The following MFSD12 variants were observed in gnomAD, a reference collection of about 807,000 sequenced individuals.
MFSD12 encodes major facilitator superfamily domain containing 12.
In MFSD12, 67 loss-of-function variants were observed where a neutral mutation model predicts 51.2. That is an observed-to-expected ratio of 1.31 (90% CI 1.08 to 1.60). The LOEUF (loss-of-function observed/expected upper bound fraction) is 1.60. Among genes scored for constraint, MFSD12 ranks in the 40% most tolerant of loss-of-function variants. The pLI is 0.00. For synonymous variants in MFSD12, 441 were observed against 316.7 expected, an observed-to-expected ratio of 1.39 and a Z score of -4.17; for missense variants, 921 against 673.0, an observed-to-expected ratio of 1.37 and a Z score of -4.08.
At chr19:3,543,836 C>A, downstream of MFSD12, 1 of 1,532,764 alleles carries the variant, frequency 6.5e-7, no homozygotes, top group South Asian at 1.2e-5. Flanking sequence ...CAGTGCTCAA[C>A]AGGAACCGGT....
In MFSD12 at chr19:3,551,205, C is replaced by T; in HGVS notation, c.299-11G>A. ...GGACGCAGACGGTGCCTGTGGAAGGCAGAGTGGTCAGTCGCGGGGCTGTCC... is the reference window on the plus strand; with the variant it reads ...GGACGCAGACGGTGCCTGTGGAAGGTAGAGTGGTCAGTCGCGGGGCTGTCC... On this transcript the variant is annotated splice_polypyrimidine_tract_variant and intron_variant, in intron 1 of 9. Coordinates refer to ENST00000355415, the MANE Select transcript of MFSD12 (RefSeq NM_174983.5). This position sits in a 1 kb window ranked among gnomAD's most constrained non-coding sequence, Gnocchi z 4.6. The T allele has an allele frequency of 1.3e-6, 2 of 1,587,714 alleles. No individual in the cohort carries two copies. Among genetic ancestry groups the T allele is most frequent in the Non-Finnish European group, 1.7e-6 (2 of 1,166,496 alleles).
At chr19:3,548,977 C>A (rs1228021793) in intron 2 of MFSD12, among the ~76,000 whole-genome samples, 1 of 152,142 alleles carries the variant, frequency 6.6e-6, no homozygotes, top group African/African-American at 2.4e-5. Flanking sequence ...AGCGGACTCC[C>A]CCGACACGAA....
At position 3,547,983 on chromosome 19, in the gene MFSD12, T is replaced by C. The variant is rs905266715; in HGVS notation, c.702A>G (p.Leu234=). The part of the protein sequence containing the change: ...VVGVGAVFSL[L]FHLGTRERRR... ...GCCTCTCCCGGGTGCCCAGGTGGAA[T>C]AGCAGTGAGAACACGGCGCCGACAC... is the stretch of plus-strand genomic sequence containing the variant. The change falls in exon 4 of 10, where the codon CTA becomes CTG. Residue 234 remains leucine, a synonymous_variant. Transcript: ENST00000355415. 1.0e-5 allele frequency: 16 copies of C among 1,598,690 alleles called. No homozygotes were observed. Among genetic ancestry groups the C allele is most frequent in the East Asian group, 8.9e-5 (4 of 44,766 alleles).
chr19:3,549,284 C>A (rs1243025110), intron 2 of MFSD12, among the ~76,000 whole-genome samples: 1 of 152,166 alleles, frequency 6.6e-6, no homozygotes. Context: ...CCATCCCATC[C>A]CCTCCCCGTG....
At chr19:3,554,482 C>T (rs1224066910) in intron 1 of MFSD12, among the ~76,000 whole-genome samples, 2 of 151,670 alleles carry the variant, frequency 1.3e-5, no homozygotes, top group Admixed American at 1.3e-4. Flanking sequence ...AAAGTTCCTG[C>T]CTCACAGGCT....
At chr19:3,555,072 C>T (rs989636665) in intron 1 of MFSD12, among the ~76,000 whole-genome samples, 1 of 152,188 alleles carries the variant, frequency 6.6e-6, no homozygotes, top group South Asian at 2.1e-4. Context: ...AAACATAAAG[C>T]CTTCGGTTGC....
downstream of MFSD12, among the ~76,000 whole-genome samples, chr19:3,540,483 C>G (rs548866804): frequency 1.3e-5 from 2 of 150,870 alleles, no homozygotes; most frequent in East Asian, 4.1e-4. Context: ...GTCTCGATCT[C>G]CTGACCTCAT....
Position 3,551,015 on chromosome 19 carries a change from C to T in MFSD12, c.478G>A (p.Asp160Asn), listed in dbSNP as rs763762640. ...LSLIPELVTN[D>N]HEKVELTALR... ...GCCGTGAGCTCCACCTTCTCATGGT[C>T]GTTGGTGACGAGCTCCGGGATGAGG... Residue 160 changes from aspartate to asparagine, a missense_variant, in exon 2 of 10, where the codon GAC becomes AAC. Transcript: ENST00000355415. The surrounding 1 kb of genome is among the most constrained non-coding windows in gnomAD (Gnocchi z 4.6). 6.2e-6 allele frequency: 10 copies of T among 1,612,504 alleles called. No individual in the cohort carries two copies. Among genetic ancestry groups the T allele is most frequent in the South Asian group, 3.3e-5 (3 of 91,030 alleles).
chr19:3,544,684 G>C lies in MFSD12; in HGVS notation c.*26C>G. The C allele has an allele frequency of 6.3e-7, 1 of 1,583,930 alleles. No homozygotes were observed. The highest frequency in any genetic ancestry group is 8.6e-7 in the Non-Finnish European group (1 of 1,162,824). Reference sequence around the variant, plus strand: ...CCTCGTGCGTCCCCACAGTTCCCTTGCACAGGTGCAGGAGGCTGTCAGGAG... The same window carrying C: ...CCTCGTGCGTCCCCACAGTTCCCTTCCACAGGTGCAGGAGGCTGTCAGGAG... On this transcript the variant is annotated 3_prime_UTR_variant, in exon 10 of 10. Coordinates refer to ENST00000355415, the MANE Select transcript of MFSD12 (RefSeq NM_174983.5).
At chr19:3,556,137 G>A (rs968656708) in intron 1 of MFSD12, among the ~76,000 whole-genome samples, 6 of 152,220 alleles carry the variant, frequency 3.9e-5, no homozygotes, top group African/African-American at 2.4e-5. Context: ...CTCAACTCCC[G>A]GAGCAGCACC....
At chr19:3,554,704 C>T (rs4807487) in intron 1 of MFSD12, among the ~76,000 whole-genome samples, 9,253 of 152,282 alleles carry the variant, frequency 0.061, 321 homozygotes, top group Middle Eastern at 0.095. Context: ...GCCATCTGCC[C>T]ACTCACAGGA....
chr19:3,552,912 T>C (rs944000695), intron 1 of MFSD12, among the ~76,000 whole-genome samples: 1 of 152,146 alleles, frequency 6.6e-6, no homozygotes, highest in Admixed American at 6.5e-5. Flanking sequence ...CCAGGCTCCT[T>C]CCCTGCAGCC....
At chr19:3,541,998 C>T (rs1005048469), downstream of MFSD12, 41 of 437,762 alleles carry the variant, frequency 9.4e-5, no homozygotes, top group Admixed American at 2.6e-4. Context: ...TTAGTAGAGA[C>T]GGGGTTTCAC....
chr19:3,543,195 G>C, downstream of MFSD12: 1 of 1,531,414 alleles, frequency 6.5e-7, no homozygotes, highest in Non-Finnish European at 8.8e-7. Flanking sequence ...AGCACTCGCT[G>C]TAGACATGGG....
rs754038276 is a variant in MFSD12, at chr19:3,547,460, G to T, written c.925C>A (p.Pro309Thr). The change falls in exon 5 of 10, where the codon CCC becomes ACC. Residue 309 changes from proline to threonine, a missense_variant. Pro to Thr is a conservative substitution (Grantham distance 38). Transcript: ENST00000355415. The part of the protein sequence containing the change: ...AMYLTYSLHL[P>T]KKFIATIPLV... ...CCCCGCCCCAATCTGCTCACCTTGG[G>T]CAGGTGGAGCGAGTAGGTGAGGTAC... The T allele has an allele frequency of 6.2e-7, 1 of 1,613,000 alleles. No homozygotes were observed. Among genetic ancestry groups the T allele is most frequent in the South Asian group, 1.1e-5 (1 of 91,068 alleles).
chr19:3,554,490 G>A (rs953827702), intron 1 of MFSD12, among the ~76,000 whole-genome samples: 1 of 151,504 alleles, frequency 6.6e-6, no homozygotes, highest in Non-Finnish European at 1.5e-5. Flanking sequence ...TGCCTCACAG[G>A]CTGCTGTGAG....
intron 4 of MFSD12, 30 bp downstream of exon 4, chr19:3,547,818 C>T: frequency 3.4e-6 from 5 of 1,465,396 alleles, no homozygotes; most frequent in Non-Finnish European, 4.5e-6. Flanking sequence ...AGAGAAGGCC[C>T]ACGCCAGCCC....
At chr19:3,548,771 A>G (rs1206018963) in intron 2 of MFSD12, among the ~76,000 whole-genome samples, 12 of 152,212 alleles carry the variant, frequency 7.9e-5, no homozygotes, top group Admixed American at 7.9e-4. Flanking sequence ...ACGTGAGCAC[A>G]GCAGGAGGTC....
At chr19:3,542,862 G>C, downstream of MFSD12, 1 of 1,387,928 alleles carries the variant, frequency 7.2e-7, no homozygotes, top group South Asian at 1.1e-5. Flanking sequence ...TCCAGGCCAG[G>C]GGGGCTTCCC....
Sources: gnomAD v4.1 joint callset for allele counts (sites outside exome capture counted in the v4.1 genomes callset) on GRCh38, gnomAD v4.1.1 for gene constraint, Gnocchi (gnomAD v3.1) non-coding constraint, MANE v1.5 for transcripts, NCBI Gene and HGNC (gene_info 2026-07-23, HGNC 2026-07-21) for gene names.